ITGA8: variants seen among roughly 807,000 people sequenced by gnomAD.
ITGA8 encodes the protein integrin subunit alpha 8, also known as integrin alpha-8.
A neutral mutation model predicts 142.3 loss-of-function variants in ITGA8; 91 were observed. That is an observed-to-expected ratio of 0.64 (90% confidence interval 0.54 to 0.76). ITGA8 has a LOEUF of 0.76. ITGA8 is among the 30% of genes least tolerant of loss of function. ITGA8 has a pLI of 0.00. For synonymous variants in ITGA8, 505 were observed against 485.2 expected (o/e 1.04, Z -0.54); for missense variants, 1,406 against 1,327.7 (o/e 1.06, Z -0.92).
chr10:15,624,584 A>G (rs973822298), intron 13 of ITGA8, among the ~76,000 whole-genome samples: 3 of 152,128 alleles, frequency 2.0e-5, no homozygotes, highest in Non-Finnish European at 4.4e-5. Flanking sequence ...ATTCGCCTTC[A>G]TAACTCAGCT....
intron 2 of ITGA8, among the ~76,000 whole-genome samples, chr10:15,715,752 C>A (rs76959096): frequency 1.3e-5 from 2 of 152,242 alleles, no homozygotes; most frequent in Non-Finnish European, 2.9e-5. Context: ...ACTTTGTCCA[C>A]GAAGTGGATG....
intron 23 of ITGA8, among the ~76,000 whole-genome samples, chr10:15,583,884 A>G (rs1486442162): frequency 6.6e-6 from 1 of 152,238 alleles, no homozygotes; most frequent in Non-Finnish European, 1.5e-5. Context: ...CACAAACTCC[A>G]TAAACTGTTG....
intron 2 of ITGA8, among the ~76,000 whole-genome samples, chr10:15,699,187 G>T (rs1203090592): frequency 6.6e-6 from 1 of 152,190 alleles, no homozygotes; most frequent in Non-Finnish European, 1.5e-5. Flanking sequence ...AGGAGGCTGA[G>T]GCAGGAGAAT....
chr10:15,514,019 C>A lies in ITGA8; in HGVS notation c.*3139G>T, dbSNP rs546277623. 1.3e-5 allele frequency: 2 copies of A among 152,054 alleles called. No individual in the cohort carries two copies. The highest frequency in any genetic ancestry group is 3.9e-4 in the East Asian group (2 of 5,194). The allele number at this position is 152,054 out of a possible 1,614,324, so 9.4% of individuals were successfully genotyped here. On this transcript the variant is annotated 3_prime_UTR_variant, in exon 30 of 30. Transcript: ENST00000378076. ...ACATGAAAATCTTCACAGATATCTA[C>A]GCACGTATTTAAATAAAACAAGAGT...
chr10:15,543,275 G>A (rs2131553300), intron 27 of ITGA8, among the ~76,000 whole-genome samples: 1 of 152,332 alleles, frequency 6.6e-6, no homozygotes, highest in South Asian at 2.1e-4. Flanking sequence ...TCTAATGTTA[G>A]TCAGGGGCAT....
At chr10:15,550,116 G>A (rs375508698) in intron 26 of ITGA8, among the ~76,000 whole-genome samples, 12 of 152,104 alleles carry the variant, frequency 7.9e-5, no homozygotes, top group African/African-American at 2.9e-4. Flanking sequence ...TAAGTCTCAC[G>A]AGATCTGATG....
chr10:15,586,004 T>C (rs940479097), intron 23 of ITGA8, among the ~76,000 whole-genome samples: 9 of 151,968 alleles, frequency 5.9e-5, no homozygotes, highest in Non-Finnish European at 1.0e-4. Context: ...TATCAGCTGG[T>C]TTTTATAGTT....
intron 27 of ITGA8, among the ~76,000 whole-genome samples, chr10:15,531,414 C>CCA (rs1231050663): frequency 5.3e-5 from 8 of 152,184 alleles, no homozygotes; most frequent in Admixed American, 6.5e-5. Flanking sequence ...AAGCATCCAT[C>CCA]TATCCATCCA....
chr10:15,527,985 G>T (rs1325734959), intron 28 of ITGA8, among the ~76,000 whole-genome samples: 1 of 137,164 alleles, frequency 7.3e-6, no homozygotes, highest in Non-Finnish European at 1.5e-5. Flanking sequence ...GCGTGATCTC[G>T]GCTCACTGCA....
chr10:15,670,659 A>G (rs540250152), intron 8 of ITGA8, among the ~76,000 whole-genome samples: 285 of 152,342 alleles, frequency 1.9e-3, no homozygotes, highest in African/African-American at 6.6e-3. Flanking sequence ...TCAAATCTAC[A>G]TAGGCAGCCA....
In ITGA8 at chr10:15,718,811, C is replaced by T. The variant is rs748005596; in HGVS notation, c.298G>A (p.Ala100Thr). 6.7e-5 allele frequency: 108 copies of T among 1,614,052 alleles called. No individual in the cohort carries two copies. The highest frequency in any genetic ancestry group is 8.8e-5 in the Non-Finnish European group (104 of 1,180,042). ...GGAVYYCPWP[A>T]EGSAQCRQIP... ...TGCCTGCACTGCGCAGACCCCTCCG[C>T]GGGCCAAGGACAGTAATAGACGGCT... The change falls in exon 2 of 30, where the codon GCG becomes ACG. Residue 100 changes from alanine to threonine, a missense_variant. Ala to Thr is a moderately conservative substitution (Grantham distance 58). Transcript: ENST00000378076.
chr10:15,559,599 A>G (rs1833940039), intron 25 of ITGA8, among the ~76,000 whole-genome samples: 1 of 152,200 alleles, frequency 6.6e-6, no homozygotes, highest in Non-Finnish European at 1.5e-5. Flanking sequence ...AAGAATGCCA[A>G]ATCCTGCAGA....
intron 28 of ITGA8, among the ~76,000 whole-genome samples, chr10:15,530,506 C>T (rs1044746166): frequency 7.6e-5 from 10 of 131,146 alleles, no homozygotes; most frequent in Admixed American, 3.7e-4. Context: ...AGATCGTGCC[C>T]CTGCACTCCA....
chr10:15,525,535 G>A (rs775020706), intron 28 of ITGA8, among the ~76,000 whole-genome samples: 15 of 151,340 alleles, frequency 9.9e-5, no homozygotes, highest in Non-Finnish European at 1.9e-4. Context: ...CCAGCTACTA[G>A]GGAGGCCGAG....
chr10:15,593,005 C>A (rs1404841784), intron 21 of ITGA8, among the ~76,000 whole-genome samples: 4 of 152,194 alleles, frequency 2.6e-5, no homozygotes, highest in African/African-American at 9.7e-5. Flanking sequence ...AATGTAATAA[C>A]AATCAACAAT....
rs1832962745 is a variant in ITGA8, at chr10:15,516,490, T to C, written c.*668A>G. On this transcript the variant is annotated 3_prime_UTR_variant, in exon 30 of 30. Coordinates refer to ENST00000378076, the MANE Select transcript of ITGA8 (RefSeq NM_003638.3). ...TTAGGAGGAAACTGAGTGAGTGATTTTGAAAACTAGCTAACCAAATCTTAA... is the reference window on the plus strand; with the variant it reads ...TTAGGAGGAAACTGAGTGAGTGATTCTGAAAACTAGCTAACCAAATCTTAA... The C allele has an allele frequency of 6.6e-6, 1 of 152,254 alleles. No individual in the cohort carries two copies. Among genetic ancestry groups the C allele is most frequent in the South Asian group, 2.1e-4 (1 of 4,828 alleles). 9.4% of individuals were successfully genotyped at this position (152,254 alleles called of 1,614,324 possible).
chr10:15,697,753 C>T lies in ITGA8; in HGVS notation c.344-9715G>A, dbSNP rs148084473. On this transcript the variant is annotated intron_variant, in intron 2 of 29. Coordinates refer to ENST00000378076, the MANE Select transcript of ITGA8 (RefSeq NM_003638.3). ...AATATTATTCTTTAAAAACATATAT[C>T]CAGCCATTTAAAAATATAAAAACTA... Among the ~76,000 whole-genome samples the T allele has an allele frequency of 1.6e-3, 250 of 152,246 alleles. 1 individual carries two copies. Among genetic ancestry groups the T allele is most frequent in the African/African-American group, 5.2e-3 (214 of 41,542 alleles).
chr10:15,672,810 C>G, intron 6 of ITGA8, 61 bp from the exon 7 acceptor site: 1 of 1,474,644 alleles, frequency 6.8e-7, no homozygotes, highest in Non-Finnish European at 9.0e-7. Flanking sequence ...CCTCCATGAG[C>G]AGACCCACAT....
intron 29 of ITGA8, 28 bp downstream of exon 29, chr10:15,519,262 A>T: frequency 6.2e-7 from 1 of 1,611,568 alleles, no homozygotes; most frequent in East Asian, 2.2e-5. Flanking sequence ...CCTCTAGTTT[A>T]AAAGGAAAAC....
Sources: gnomAD v4.1 joint callset for allele counts (sites outside exome capture counted in the v4.1 genomes callset) on GRCh38, gnomAD v4.1.1 for gene constraint, MANE v1.5 for transcripts, NCBI Gene and HGNC (gene_info 2026-07-23, HGNC 2026-07-21) for gene names.